Variants in TENM2 observed in about 807,000 individuals in gnomAD.
TENM2 encodes the protein teneurin transmembrane protein 2.
A neutral mutation model predicts 245.2 loss-of-function variants in TENM2; 52 were observed. The ratio of observed to expected loss-of-function variants is 0.21; its 90% CI spans 0.17 to 0.27. TENM2 has a LOEUF of 0.27. Among genes scored for constraint, TENM2 ranks in the 10% least tolerant of loss-of-function variants. TENM2 has a pLI of 1.00. For missense variants in TENM2, 3,046 were observed against 3,666.8 expected (o/e 0.83, Z 4.37); for synonymous variants, 1,363 against 1,438.9 (o/e 0.95, Z 1.19).
At chr5:167,859,744 C>T (rs1468806762) in intron 2 of TENM2, among the ~76,000 whole-genome samples, 2 of 97,156 alleles carry the variant, frequency 2.1e-5, no homozygotes, top group Non-Finnish European at 2.0e-5. Flanking sequence ...GGGGGATCAG[C>T]CCCCCGCCCG....
chr5:167,993,552 C>T (rs1783830450), intron 5 of TENM2, among the ~76,000 whole-genome samples: 1 of 152,164 alleles, frequency 6.6e-6, no homozygotes, highest in African/African-American at 2.4e-5. Context: ...ATGTATGCAA[C>T]ATTGGTTAAC....
exon 3 of TENM2, chr5:167,875,988 C>A: frequency 6.4e-7 from 1 of 1,550,442 alleles, no homozygotes; most frequent in South Asian, 1.2e-5. Context: ...TTTCCCAGGT[C>A]GTCCCATTCC....
the TENM2 span, among the ~76,000 whole-genome samples, chr5:167,132,454 A>G: frequency 6.6e-6 from 1 of 151,988 alleles, no homozygotes; most frequent in Admixed American, 6.6e-5. Flanking sequence ...GTGGTTGAGC[A>G]TTTTTTCCTT....
At chr5:167,963,543 T>C (rs1243729105) in intron 4 of TENM2, among the ~76,000 whole-genome samples, 1 of 152,192 alleles carries the variant, frequency 6.6e-6, no homozygotes, top group Admixed American at 6.5e-5. Context: ...GTGGTGTAAA[T>C]TTACAAACAG....
chr5:167,757,711 G>T (rs781717960), intron 2 of TENM2, among the ~76,000 whole-genome samples: 2 of 152,168 alleles, frequency 1.3e-5, no homozygotes, highest in Admixed American at 6.5e-5. Context: ...CCCACCAACA[G>T]TGTAAAAGCG....
chr5:168,115,830 C>T (rs1795042565), intron 9 of TENM2, among the ~76,000 whole-genome samples: 1 of 152,138 alleles, frequency 6.6e-6, no homozygotes, highest in South Asian at 2.1e-4. Context: ...CCGGTCTCAG[C>T]CTGCACACTG....
At chr5:167,594,485 A>G (rs182025373) in intron 2 of TENM2, among the ~76,000 whole-genome samples, 46 of 152,340 alleles carry the variant, frequency 3.0e-4, no homozygotes, top group Admixed American at 2.7e-3. Context: ...TGGAAATCAG[A>G]TTCTATCAGG....
At chr5:167,234,236 A>AT in the TENM2 span, among the ~76,000 whole-genome samples, 3 of 152,346 alleles carry the variant, frequency 2.0e-5, no homozygotes, top group Non-Finnish European at 4.4e-5. Flanking sequence ...AAACAAATCA[A>AT]TTTTTAAAAA....
At chr5:167,469,951 C>T (rs981074156) in intron 2 of TENM2, among the ~76,000 whole-genome samples, 9 of 152,046 alleles carry the variant, frequency 5.9e-5, no homozygotes, top group Non-Finnish European at 1.0e-4. Context: ...CCACTATCTT[C>T]CTTTATCTTT....
intron 2 of TENM2, among the ~76,000 whole-genome samples, chr5:167,727,905 G>T (rs1210606955): frequency 6.6e-6 from 1 of 152,106 alleles, no homozygotes; most frequent in Non-Finnish European, 1.5e-5. Flanking sequence ...GCCCTTTTGG[G>T]ATAAATATTA....
At chr5:167,787,596 G>A (rs1226838413) in intron 2 of TENM2, among the ~76,000 whole-genome samples, 1 of 152,174 alleles carries the variant, frequency 6.6e-6, no homozygotes, top group Non-Finnish European at 1.5e-5. Flanking sequence ...CAGAGAAAAG[G>A]CTTTCCTTTT....
the TENM2 span, among the ~76,000 whole-genome samples, chr5:167,073,935 G>T: frequency 2.6e-5 from 4 of 152,184 alleles, no homozygotes; most frequent in African/African-American, 9.6e-5. Context: ...GACGTCATCT[G>T]GCCCCCTATA....
chr5:167,588,272 GGC>G lies in TENM2; in HGVS notation c.502+212800_502+212801del, dbSNP rs573212899. The stretch of plus-strand genomic sequence containing the variant: ...ATATCTTGATTGTCCACCTGGTTAT[GGC>G]TAATAGGCTAAGCCTGGTGACAGTG... On this transcript the variant is annotated intron_variant, in intron 2 of 28. Transcript: ENST00000518659. Among the ~76,000 whole-genome samples, 18 of 152,310 alleles carry G rather than the reference GGC, an allele frequency of 1.2e-4. No homozygotes were observed. In the South Asian group the frequency reaches 3.5e-3, roughly 30 times the overall value.
intron 2 of TENM2, among the ~76,000 whole-genome samples, chr5:167,683,335 C>T (rs1756865328): frequency 6.6e-6 from 1 of 151,210 alleles, no homozygotes; most frequent in Non-Finnish European, 1.5e-5. Context: ...ATTAGTTTGT[C>T]CTAGTTGCTG....
chr5:167,205,278 G>A, the TENM2 span, among the ~76,000 whole-genome samples: 1 of 152,140 alleles, frequency 6.6e-6, no homozygotes, highest in African/African-American at 2.4e-5. Context: ...CTACTCGAGA[G>A]GCTGAGGCAC....
chr5:168,128,753 T>G (rs1796032049), intron 12 of TENM2: 1 of 152,274 alleles, frequency 6.6e-6, no homozygotes, highest in African/African-American at 2.4e-5. Context: ...GTTTTTACAT[T>G]TTCTAAGGGT....
chr5:166,987,598 A>G, the TENM2 span, among the ~76,000 whole-genome samples: 1 of 152,120 alleles, frequency 6.6e-6, no homozygotes, highest in Non-Finnish European at 1.5e-5. Context: ...CCAGACGGTC[A>G]GTATTAAACT....
chr5:167,504,806 C>T (rs1769434187), intron 2 of TENM2, among the ~76,000 whole-genome samples: 1 of 152,136 alleles, frequency 6.6e-6, no homozygotes, highest in African/African-American at 2.4e-5. Flanking sequence ...AAATATAATT[C>T]CCCACGAAAT....
At chr5:167,532,728 A>ACATATATACACACACC (rs1208474718) in intron 2 of TENM2, among the ~76,000 whole-genome samples, 11 of 151,496 alleles carry the variant, frequency 7.3e-5, no homozygotes, top group African/African-American at 2.4e-4. Flanking sequence ...ATATACACAC[A>ACATATATACACACACC]CATATATACA....
Sources: allele counts gnomAD v4.1 joint callset (sites outside exome capture counted in the v4.1 genomes callset), GRCh38; gene constraint gnomAD v4.1.1; transcripts MANE v1.5; gene names NCBI Gene and HGNC (gene_info 2026-07-23, HGNC 2026-07-21).